The following PTCD2 variants were observed in gnomAD, a reference collection of about 807,000 sequenced individuals.
PTCD2 encodes the protein pentatricopeptide repeat domain 2, also known as pentatricopeptide repeat-containing protein 2, mitochondrial.
Under a neutral mutation model 42.6 loss-of-function variants are expected in PTCD2, and 31 were observed. That is an observed-to-expected ratio of 0.73 (90% CI 0.55 to 0.98). The LOEUF is 0.98. Among genes scored for constraint, PTCD2 ranks in the 50% least tolerant of loss-of-function variants. The probability of loss-of-function intolerance (pLI) is 0.00; values close to 1 mark genes in which losing one functional copy is unlikely to be tolerated. For synonymous variants in PTCD2, 183 were observed against 170.9 expected, an observed-to-expected ratio of 1.07 and a Z score of -0.55; for missense variants, 476 against 454.8, an observed-to-expected ratio of 1.05 and a Z score of -0.42.
At chr5:72,354,428 A>G in intron 9 of PTCD2, among the ~76,000 whole-genome samples, 1 of 143,118 alleles carries the variant, frequency 7.0e-6, no homozygotes. Context: ...GAAAATTCTG[A>G]GAAAAGAACC....
chr5:72,334,841 G>A (rs778553381), intron 4 of PTCD2, among the ~76,000 whole-genome samples, 177 bp from the exon 5 acceptor site: 8 of 152,034 alleles, frequency 5.3e-5, no homozygotes, highest in Non-Finnish European at 7.4e-5. Context: ...GAGCCACCAC[G>A]CCCGGCCAAC....
chr5:72,331,648 G>T (rs189150112), intron 4 of PTCD2, among the ~76,000 whole-genome samples: 1 of 152,176 alleles, frequency 6.6e-6, no homozygotes, highest in Admixed American at 6.5e-5. Flanking sequence ...TTTTTTAGGG[G>T]CTTTCAATAG....
chr5:72,329,992 G>A (rs368445318), intron 3 of PTCD2, among the ~76,000 whole-genome samples: 125 of 151,790 alleles, frequency 8.2e-4, no homozygotes, highest in African/African-American at 2.8e-3. Context: ...GAGTGCAGGG[G>A]TGCTATCTCG....
chr5:72,356,965 C>G (rs1008069143), intron 9 of PTCD2, among the ~76,000 whole-genome samples: 1 of 152,148 alleles, frequency 6.6e-6, no homozygotes, highest in African/African-American at 2.4e-5. Context: ...AGATTGTACC[C>G]TTGATAAGGA....
chr5:72,338,584 G>T (rs755102384), intron 6 of PTCD2, 38 bp from the exon 7 acceptor site: 3 of 1,101,656 alleles, frequency 2.7e-6, no homozygotes, highest in South Asian at 1.4e-5. Context: ...GAACTTAAAG[G>T]TTTATAACAT....
At chr5:72,335,953 C>A in intron 6 of PTCD2, 68 bp downstream of exon 6, 1 of 841,646 alleles carries the variant, frequency 1.2e-6, no homozygotes, top group Non-Finnish European at 1.9e-6. Context: ...TTTCTTCTCT[C>A]TACAAATAAA....
At chr5:72,357,570 A>G (rs1041155351) in intron 9 of PTCD2, among the ~76,000 whole-genome samples, 7 of 152,146 alleles carry the variant, frequency 4.6e-5, no homozygotes, top group Non-Finnish European at 8.8e-5. Flanking sequence ...CAAAAAACTT[A>G]TTGTGGAATA....
rs1240757294 is a variant in PTCD2 at position 72,366,826 on chromosome 5, C to T, written c.*8399C>T. On this transcript the variant is annotated 3_prime_UTR_variant, in exon 10 of 10. Transcript: ENST00000380639. ...CATGCAATGTGTCCATGTGCGTGTA[C>T]ACGTGAGCACACATGCACACACACA... 1 of 152,214 alleles carries T rather than the reference C, an allele frequency of 6.6e-6. No individual in the cohort carries two copies. Among genetic ancestry groups the T allele is most frequent in the Non-Finnish European group, 1.5e-5 (1 of 68,042 alleles). The allele number at this position is 152,214 out of a possible 1,614,324, so 9.4% of individuals were successfully genotyped here.
chr5:72,350,270 T>C (rs1320467512), intron 8 of PTCD2, among the ~76,000 whole-genome samples: 1 of 150,620 alleles, frequency 6.6e-6, no homozygotes, highest in Admixed American at 6.6e-5. Context: ...TAGTGGAGTA[T>C]ACAAGACACA....
chr5:72,320,673 G>A lies in PTCD2; in HGVS notation c.127+164G>A, dbSNP rs564740966. On this transcript the variant is annotated intron_variant, in intron 1 of 9. Transcript: ENST00000380639. ...CACGTGGGTGCAGTGGTGACCACTG[G>A]GGGTCGTGGATACCCCCAGTGCCTG... 5.0e-5 allele frequency: 45 copies of A among 904,676 alleles called. No homozygotes were observed. In the African/African-American group the frequency reaches 7.2e-4, roughly 14 times the overall value. 56.0% of individuals were successfully genotyped at this position (904,676 alleles called of 1,614,324 possible).
chr5:72,328,872 G>A (rs563815299), intron 3 of PTCD2, among the ~76,000 whole-genome samples: 3 of 152,156 alleles, frequency 2.0e-5, no homozygotes, highest in Admixed American at 6.5e-5. Context: ...TGAGAAACTC[G>A]CTGCATAAAA....
At chr5:72,349,431 A>T (rs925242774) in intron 8 of PTCD2, among the ~76,000 whole-genome samples, 2 of 152,204 alleles carry the variant, frequency 1.3e-5, no homozygotes, top group Non-Finnish European at 2.9e-5. Context: ...CTGTTATCGA[A>T]AAAGGAGGAG....
At chr5:72,330,860 G>A (rs1751403171) in intron 3 of PTCD2, among the ~76,000 whole-genome samples, 1 of 152,120 alleles carries the variant, frequency 6.6e-6, no homozygotes, top group Non-Finnish European at 1.5e-5. Flanking sequence ...GGAGCACAGA[G>A]CATCACCCCC....
rs1347910978 is a variant in PTCD2 at position 72,365,281 on chromosome 5, A to G, written c.*6854A>G. The G allele has an allele frequency of 6.6e-6, 1 of 152,230 alleles. No homozygotes were observed. Among genetic ancestry groups the G allele is most frequent in the Non-Finnish European group, 1.5e-5 (1 of 68,088 alleles). The allele number at this position is 152,230 out of a possible 1,614,324, so 9.4% of individuals were successfully genotyped here. A position where few individuals can be genotyped will look rare whatever the true frequency, so the allele number is the denominator to read the frequency against. ...GAACTGCGGGCCTGCCTGGAAATGC[A>G]TTGTCAGAGTAGAGTGATGCTTTCT... On this transcript the variant is annotated 3_prime_UTR_variant, in exon 10 of 10. Transcript: ENST00000380639.
intron 3 of PTCD2, among the ~76,000 whole-genome samples, chr5:72,330,148 GC>G (rs1214459130): frequency 1.3e-5 from 2 of 151,262 alleles, no homozygotes; most frequent in African/African-American, 2.4e-5. Flanking sequence ...CACCATGTTA[GC>G]CAAGATGGTC....
intron 6 of PTCD2, among the ~76,000 whole-genome samples, chr5:72,337,895 T>A (rs780942705): frequency 1.9e-4 from 29 of 152,088 alleles, no homozygotes; most frequent in Non-Finnish European, 3.7e-4. Context: ...TGGAGATGAG[T>A]TGAAAAAGTG....
rs895321559 is a variant in PTCD2, at chr5:72,365,719, A to G, written c.*7292A>G. ...AGCTGGTAGCAAGATGGCTGCATGC[A>G]TCATGAGGCTTTGGCCTAAAAAGCT... On this transcript the variant is annotated 3_prime_UTR_variant, in exon 10 of 10. Coordinates refer to ENST00000380639, the MANE Select transcript of PTCD2 (RefSeq NM_024754.5). 6 of 152,184 alleles carry G rather than the reference A, an allele frequency of 3.9e-5. No individual in the cohort carries two copies. The highest frequency in any genetic ancestry group is 7.3e-5 in the Non-Finnish European group (5 of 68,036). The allele number at this position is 152,184 out of a possible 1,614,324, so 9.4% of individuals were successfully genotyped here. A position where few individuals can be genotyped will look rare whatever the true frequency, so the allele number is the denominator to read the frequency against.
intron 2 of PTCD2, 50 bp from the exon 3 acceptor site, chr5:72,326,562 A>G (rs756818449): frequency 1.2e-6 from 2 of 1,606,684 alleles, no homozygotes; most frequent in Non-Finnish European, 1.7e-6. Flanking sequence ...CAGACTCCTT[A>G]TACTCTCAGT....
chr5:72,329,285 A>G (rs1751307435), intron 3 of PTCD2, among the ~76,000 whole-genome samples: 1 of 152,210 alleles, frequency 6.6e-6, no homozygotes, highest in South Asian at 2.1e-4. Context: ...CTCCACCAAC[A>G]TGTTCTCTTT....
Sources: gnomAD v4.1 joint callset for allele counts (sites outside exome capture counted in the v4.1 genomes callset) on GRCh38, gnomAD v4.1.1 for gene constraint, MANE v1.5 for transcripts, NCBI Gene and HGNC (gene_info 2026-07-23, HGNC 2026-07-21) for gene names.